ARFGEF2: variants seen among roughly 807,000 people sequenced by gnomAD.
ARFGEF2 encodes the protein ARF guanine nucleotide exchange factor 2.
ARFGEF2 carries 74 observed loss-of-function variants against 219.9 expected under a neutral mutation model. The ratio of observed to expected loss-of-function variants is 0.34; its 90% CI spans 0.28 to 0.41. ARFGEF2 has a LOEUF of 0.41. Among genes scored for constraint, ARFGEF2 ranks in the 10% least tolerant of loss-of-function variants. The pLI is 1.00. For synonymous variants in ARFGEF2, 733 were observed against 799.2 expected, an observed-to-expected ratio of 0.92 and a Z score of 1.40; for missense variants, 1,743 against 2,218.3, an observed-to-expected ratio of 0.79 and a Z score of 4.30.
intron 30 of ARFGEF2, among the ~76,000 whole-genome samples, chr20:49,014,963 G>A (rs2091521493): frequency 6.6e-6 from 1 of 152,112 alleles, no homozygotes; most frequent in Non-Finnish European, 1.5e-5. Context: ...TCATCTGTGT[G>A]TCCACCCACA....
At chr20:49,007,067 T>A (rs6019578) in intron 26 of ARFGEF2, among the ~76,000 whole-genome samples, 1 of 152,092 alleles carries the variant, frequency 6.6e-6, no homozygotes, top group East Asian at 1.9e-4. Context: ...ATGAGGACCA[T>A]TAGGATGAGG....
At chr20:48,991,314 C>A in intron 21 of ARFGEF2, 116 bp downstream of exon 21, 1 of 1,428,332 alleles carries the variant, frequency 7.0e-7, no homozygotes, top group Non-Finnish European at 9.8e-7. Flanking sequence ...CACTGTACCT[C>A]ATGTATCTGG....
At chr20:48,956,655 C>G (rs2091107500) in intron 6 of ARFGEF2, among the ~76,000 whole-genome samples, 2 of 152,132 alleles carry the variant, frequency 1.3e-5, no homozygotes, top group African/African-American at 2.4e-5. Flanking sequence ...CTCACTGCAA[C>G]CTCTGCCTCT....
chr20:48,935,770 G>T, intron 1 of ARFGEF2, among the ~76,000 whole-genome samples: 1 of 149,316 alleles, frequency 6.7e-6, no homozygotes, highest in Admixed American at 6.6e-5. Context: ...CTGGGCGGGG[G>T]GCTGACCCCC....
chr20:48,938,743 G>C (rs765573419), intron 1 of ARFGEF2, among the ~76,000 whole-genome samples: 1 of 151,986 alleles, frequency 6.6e-6, no homozygotes, highest in Non-Finnish European at 1.5e-5. Flanking sequence ...TCTGGATTTC[G>C]ACCTCTGGAA....
At chr20:48,930,778 CAG>C (rs2090908387) in intron 1 of ARFGEF2, among the ~76,000 whole-genome samples, 1 of 152,154 alleles carries the variant, frequency 6.6e-6, no homozygotes, top group Middle Eastern at 3.4e-3. Context: ...TGGGAGTCAG[CAG>C]AGTCTAGGTG....
intron 8 of ARFGEF2, 146 bp downstream of exon 8, chr20:48,966,169 G>A: frequency 2.0e-6 from 2 of 994,902 alleles, no homozygotes; most frequent in Non-Finnish European, 3.1e-6. Context: ...GATATTCTTT[G>A]TATTAGCAGG....
chr20:49,018,153 A>G (rs6019587), intron 33 of ARFGEF2, among the ~76,000 whole-genome samples: 18,523 of 152,198 alleles, frequency 0.12, 1,765 homozygotes, highest in African/African-American at 0.27. Flanking sequence ...TTTATTCCTA[A>G]GTGACTCTAA....
intron 37 of ARFGEF2, among the ~76,000 whole-genome samples, chr20:49,029,323 G>T (rs1426504448): frequency 6.6e-6 from 1 of 152,182 alleles, no homozygotes; most frequent in Non-Finnish European, 1.5e-5. Flanking sequence ...TGCGTAGCTA[G>T]TTGGAGTGTA....
chr20:48,961,223 C>A (rs2091148494), intron 6 of ARFGEF2, among the ~76,000 whole-genome samples: 1 of 151,570 alleles, frequency 6.6e-6, no homozygotes, highest in Non-Finnish European at 1.5e-5. Context: ...AAAACAAACA[C>A]ATGGTACAGA....
chr20:49,001,918 T>C (rs1021591419), intron 25 of ARFGEF2, among the ~76,000 whole-genome samples: 1 of 152,246 alleles, frequency 6.6e-6, no homozygotes, highest in South Asian at 2.1e-4. Context: ...TGTTAGCATA[T>C]GTAGATTTGT....
chr20:48,948,132 GT>G (rs754321194), intron 3 of ARFGEF2, among the ~76,000 whole-genome samples: 2 of 152,012 alleles, frequency 1.3e-5, no homozygotes, highest in Non-Finnish European at 2.9e-5. Flanking sequence ...CTGTTAAAAG[GT>G]TTTTAGAACT....
chr20:49,011,164 C>T (rs1368287807), intron 27 of ARFGEF2, among the ~76,000 whole-genome samples: 9 of 152,036 alleles, frequency 5.9e-5, no homozygotes, highest in Admixed American at 2.6e-4. Context: ...GCTGTGAGTT[C>T]GGTGTTAATG....
At position 48,972,287 on chromosome 20, in the gene ARFGEF2, C is replaced by T. The variant is rs577146667; in HGVS notation, c.1426-39C>T. 19 of 1,461,788 alleles carry T rather than the reference C, an allele frequency of 1.3e-5. No individual in the cohort carries two copies. The South Asian group carries it at 2.0e-4, about 16-fold the overall frequency. 90.6% of individuals were successfully genotyped at this position (1,461,788 alleles called of 1,614,324 possible). A position where few individuals can be genotyped will look rare whatever the true frequency, so the allele number is the denominator to read the frequency against. ...TGGAGGTTTTGAGCCCTGGTTGAAA[C>T]TGTTAATTAGTGTCCTCCTTTGTCT... On this transcript the variant is annotated intron_variant, in intron 10 of 38. Coordinates refer to ENST00000371917, the MANE Select transcript of ARFGEF2 (RefSeq NM_006420.3).
chr20:48,981,453 T>A (rs1026203279), intron 14 of ARFGEF2, among the ~76,000 whole-genome samples: 7 of 152,180 alleles, frequency 4.6e-5, no homozygotes, highest in African/African-American at 1.7e-4. Flanking sequence ...CTGACAATTA[T>A]ATGTCTTGGG....
In ARFGEF2 at chr20:48,965,890, G is replaced by T. The variant is rs768868961; in HGVS notation, c.926G>T (p.Gly309Val). ...TTTTAAGAAGCAGCGGAAAAGCATG[G>T]TCTGACAGAACCTGAGAGAGTTCTA... Reference protein sequence around the residue: ...SAIKEAAEKHGLTEPERVLGE... With the variant: ...SAIKEAAEKHVLTEPERVLGE... The change falls in exon 8 of 39, where the codon GGT (glycine) becomes GTT (valine). Residue 309 changes from glycine (G) to valine (V), a missense_variant. By Grantham distance (109) the Gly-to-Val change is moderately radical (BLOSUM62 -3). Transcript: ENST00000371917. 18 of 1,614,084 alleles carry T rather than the reference G, an allele frequency of 1.1e-5. No individual in the cohort carries two copies. In the South Asian group the frequency reaches 2.0e-4, roughly 18 times the overall value.
rs1394118008 is a variant in ARFGEF2 at position 49,033,516 on chromosome 20, A to G, written c.*317A>G. 5.9e-6 allele frequency: 2 copies of G among 338,308 alleles called. No individual in the cohort carries two copies. The highest frequency in any genetic ancestry group is 4.1e-5 in the African/African-American group (2 of 48,394). 21.0% of individuals were successfully genotyped at this position (338,308 alleles called of 1,614,324 possible). A position where few individuals can be genotyped will look rare whatever the true frequency, so the allele number is the denominator to read the frequency against. ...TTCTAGCAAAATCCCATGATTGGCTATAAACGTTTTGTAAGAAGTCACTCT... is the reference window on the plus strand; with the variant it reads ...TTCTAGCAAAATCCCATGATTGGCTGTAAACGTTTTGTAAGAAGTCACTCT... On this transcript the variant is annotated 3_prime_UTR_variant, in exon 39 of 39. Coordinates refer to ENST00000371917, the MANE Select transcript of ARFGEF2 (RefSeq NM_006420.3).
chr20:49,023,411 G>T (rs1024520012), intron 35 of ARFGEF2, among the ~76,000 whole-genome samples: 1 of 151,804 alleles, frequency 6.6e-6, no homozygotes, highest in Non-Finnish European at 1.5e-5. Flanking sequence ...TTTTTTTTAT[G>T]TATATACCCC....
chr20:48,984,498 G>A (rs2091315246), intron 14 of ARFGEF2, among the ~76,000 whole-genome samples: 1 of 152,160 alleles, frequency 6.6e-6, no homozygotes, highest in Non-Finnish European at 1.5e-5. Flanking sequence ...TATTAGTGTT[G>A]GAGAAGGGGA....
Sources: allele counts gnomAD v4.1 joint callset (sites outside exome capture counted in the v4.1 genomes callset), GRCh38; gene constraint gnomAD v4.1.1; transcripts MANE v1.5; gene names NCBI Gene and HGNC (gene_info 2026-07-23, HGNC 2026-07-21).